PTPRO: variants seen among roughly 807,000 people sequenced by gnomAD.
PTPRO encodes the protein protein tyrosine phosphatase receptor type O.
Under a neutral mutation model 145.2 loss-of-function variants are expected in PTPRO, and 62 were observed. That is an observed-to-expected ratio of 0.43 (90% CI 0.35 to 0.53). PTPRO has a LOEUF of 0.53. PTPRO is among the 20% of genes least tolerant of loss of function. The pLI, the probability that PTPRO is intolerant of heterozygous loss-of-function variation, is 0.01. For missense variants in PTPRO, 1,345 were observed against 1,482.7 expected, an observed-to-expected ratio of 0.91 and a Z score of 1.53; for synonymous variants, 565 against 514.7, an observed-to-expected ratio of 1.10 and a Z score of -1.32.
intron 1 of PTPRO, among the ~76,000 whole-genome samples, chr12:15,416,701 A>C (rs1471846972): frequency 1.4e-5 from 2 of 145,776 alleles, no homozygotes; most frequent in Non-Finnish European, 3.0e-5. Context: ...GTATCCTATC[A>C]GTGGTTTTGC....
At chr12:15,373,321 G>A (rs990348936) in intron 1 of PTPRO, among the ~76,000 whole-genome samples, 7 of 152,138 alleles carry the variant, frequency 4.6e-5, no homozygotes, top group African/African-American at 1.7e-4. Context: ...AAGCAATTTG[G>A]GTGCTAAGAT....
At chr12:15,527,477 G>A (rs971461446) in intron 12 of PTPRO, among the ~76,000 whole-genome samples, 3 of 152,196 alleles carry the variant, frequency 2.0e-5, no homozygotes, top group Non-Finnish European at 4.4e-5. Context: ...GAGATGAGAT[G>A]GAACTACCAT....
At chr12:15,363,660 T>TA (rs61650138) in intron 1 of PTPRO, among the ~76,000 whole-genome samples, 159 of 88,266 alleles carry the variant, frequency 1.8e-3, no homozygotes, top group Middle Eastern at 5.7e-3. Flanking sequence ...TTCATCTAAC[T>TA]AAAAAAAAAA....
intron 19 of PTPRO, among the ~76,000 whole-genome samples, chr12:15,573,643 G>A (rs532898119): frequency 4.6e-5 from 7 of 152,266 alleles, no homozygotes; most frequent in Admixed American, 3.9e-4. Flanking sequence ...TTAAGTCACA[G>A]GCTTAGACTG....
chr12:15,486,333 T>C (rs1033030320), intron 2 of PTPRO, among the ~76,000 whole-genome samples: 1 of 152,222 alleles, frequency 6.6e-6, no homozygotes. Flanking sequence ...TTAATTTCCC[T>C]TTTGCCTGAT....
At chr12:15,380,954 T>C (rs1392275310) in intron 1 of PTPRO, among the ~76,000 whole-genome samples, 1 of 152,122 alleles carries the variant, frequency 6.6e-6, no homozygotes, top group East Asian at 1.9e-4. Context: ...AATAGCAGTA[T>C]AAAAGAATAT....
chr12:15,415,549 T>TGGAG (rs1565616297), intron 1 of PTPRO, among the ~76,000 whole-genome samples: 5 of 150,532 alleles, frequency 3.3e-5, no homozygotes, highest in African/African-American at 1.3e-4. Context: ...CACACCCGGC[T>TGGAG]AATTTTTTGT....
chr12:15,516,179 A>G (rs11056538), intron 8 of PTPRO, among the ~76,000 whole-genome samples: 25,532 of 148,732 alleles, frequency 0.17, 2,375 homozygotes, highest in South Asian at 0.25. Flanking sequence ...TTTAGTAGAG[A>G]CGGGGTTTCA....
chr12:15,445,098 A>G (rs1940867483), intron 1 of PTPRO, among the ~76,000 whole-genome samples: 1 of 152,168 alleles, frequency 6.6e-6, no homozygotes, highest in South Asian at 2.1e-4. Flanking sequence ...CATTAATGGG[A>G]AAAAGCATAT....
At chr12:15,588,122 A>G (rs947288199) in intron 24 of PTPRO, among the ~76,000 whole-genome samples, 1 of 152,242 alleles carries the variant, frequency 6.6e-6, no homozygotes, top group African/African-American at 2.4e-5. Flanking sequence ...TCAAGAACAG[A>G]AAATGAAGCT....
chr12:15,551,734 A>G, intron 15 of PTPRO, 63 bp downstream of exon 15: 1 of 1,571,596 alleles, frequency 6.4e-7, no homozygotes, highest in Non-Finnish European at 8.7e-7. Context: ...TGCCATATAT[A>G]TATTGTTTTT....
chr12:15,583,654 G>A (rs563268534), intron 23 of PTPRO, among the ~76,000 whole-genome samples: 34 of 152,162 alleles, frequency 2.2e-4, no homozygotes, highest in Non-Finnish European at 3.4e-4. Context: ...CATCAAGCTT[G>A]AGTAGCTGCA....
intron 4 of PTPRO, among the ~76,000 whole-genome samples, chr12:15,501,232 A>T (rs1489412406): frequency 6.6e-6 from 1 of 151,820 alleles, no homozygotes; most frequent in East Asian, 1.9e-4. Context: ...AGTACACTAT[A>T]CTTGTTTTGT....
intron 17 of PTPRO, among the ~76,000 whole-genome samples, chr12:15,562,080 G>C (rs1238701999): frequency 6.6e-6 from 1 of 152,160 alleles, no homozygotes; most frequent in Non-Finnish European, 1.5e-5. Context: ...CAGTTGAGAA[G>C]AGAAGGTAAA....
chr12:15,528,394 G>A (rs1489495981), intron 12 of PTPRO, among the ~76,000 whole-genome samples: 1 of 151,222 alleles, frequency 6.6e-6, no homozygotes, highest in Non-Finnish European at 1.5e-5. Context: ...GCATGGTGGC[G>A]GGTGCCTGTA....
chr12:15,330,840 T>C (rs1866588700), intron 1 of PTPRO, among the ~76,000 whole-genome samples: 1 of 152,204 alleles, frequency 6.6e-6, no homozygotes. Flanking sequence ...TTGATCGCTT[T>C]GGCTAGTCCA....
At chr12:15,531,196 A>G (rs532502787) in intron 12 of PTPRO, among the ~76,000 whole-genome samples, 62 of 152,288 alleles carry the variant, frequency 4.1e-4, no homozygotes, top group African/African-American at 1.5e-3. Flanking sequence ...AATAATGAGC[A>G]GTGAGATGAA....
At chr12:15,475,232 A>G (rs1165964904) in intron 1 of PTPRO, among the ~76,000 whole-genome samples, 2 of 152,238 alleles carry the variant, frequency 1.3e-5, no homozygotes, top group Non-Finnish European at 2.9e-5. Flanking sequence ...AGAATTCTTC[A>G]TAATTACATA....
At chr12:15,507,534 G>A (rs1184953492) in intron 6 of PTPRO, among the ~76,000 whole-genome samples, 6 of 152,208 alleles carry the variant, frequency 3.9e-5, no homozygotes, top group African/African-American at 9.7e-5. Context: ...CAGTTTATAT[G>A]TGAGCATCCG....
Sources: gnomAD v4.1 joint callset for allele counts (sites outside exome capture counted in the v4.1 genomes callset) on GRCh38, gnomAD v4.1.1 for gene constraint, MANE v1.5 for transcripts, NCBI Gene and HGNC (gene_info 2026-07-23, HGNC 2026-07-21) for gene names.